Variants in SPATA7 observed in about 807,000 individuals in gnomAD.
SPATA7 encodes spermatogenesis associated 7.
SPATA7 carries 43 observed loss-of-function variants against 51.8 expected under a neutral mutation model. That is an observed-to-expected ratio of 0.83 (90% CI 0.65 to 1.07). The LOEUF (loss-of-function observed/expected upper bound fraction) is 1.07. Ranked by LOEUF, SPATA7 falls within the 50% of genes least tolerant of loss-of-function variation. SPATA7 has a pLI of 0.00. For missense variants in SPATA7, 683 were observed against 701.3 expected (o/e 0.97, Z 0.30); for synonymous variants, 230 against 252.8 (o/e 0.91, Z 0.86).
chr14:88,456,878 G>A (rs111877650), downstream of SPATA7, among the ~76,000 whole-genome samples: 2 of 151,974 alleles, frequency 1.3e-5, no homozygotes, highest in Non-Finnish European at 2.9e-5. Flanking sequence ...TAAGTCTTTA[G>A]TCCATCTTGA....
chr14:88,439,939 C>G (rs2077166321), downstream of SPATA7, among the ~76,000 whole-genome samples: 1 of 152,188 alleles, frequency 6.6e-6, no homozygotes, highest in Non-Finnish European at 1.5e-5. Context: ...GTAAGCAACA[C>G]CGTCTATCCC....
chr14:88,445,550 C>G (rs2077206109), intron 3 of SPATA7, among the ~76,000 whole-genome samples: 1 of 151,714 alleles, frequency 6.6e-6, no homozygotes, highest in Non-Finnish European at 1.5e-5. Flanking sequence ...GAGAGGGCAT[C>G]CCTGTCTTGT....
rs748783358 is a variant in SPATA7 at position 88,416,660 on chromosome 14, A to G, written c.239-51A>G. On this transcript the variant is annotated intron_variant, in intron 4 of 11. Coordinates refer to ENST00000393545, the MANE Select transcript of SPATA7 (RefSeq NM_018418.5). ...TTTATTACTCTAACAAGACCAAAAA[A>G]CCAATTTTCTATTTTGTTCCATATT... 7.5e-6 allele frequency: 12 copies of G among 1,598,874 alleles called. No individual in the cohort carries two copies. In the East Asian group the frequency reaches 2.0e-4, roughly 27 times the overall value.
In SPATA7 at chr14:88,419,540, T is replaced by C. The variant is rs541372512; in HGVS notation, c.372+2696T>C. Among the ~76,000 whole-genome samples the C allele has an allele frequency of 2.0e-3, 303 of 151,812 alleles. 3 individuals carry two copies. The highest frequency in any genetic ancestry group is 3.0e-3 in the Non-Finnish European group (207 of 67,928). On this transcript the variant is annotated intron_variant, in intron 5 of 11. Transcript: ENST00000393545. ...ATCTGATAATCATTGTCTTTTTTTT[T>C]TTTTGAGACAGAGTCTCGCTTTTTT...
At chr14:88,445,245 C>A (rs201164673) in intron 3 of SPATA7, among the ~76,000 whole-genome samples, 32,475 of 148,690 alleles carry the variant, frequency 0.22, 3,797 homozygotes, top group East Asian at 0.3. Flanking sequence ...CTCTTTGAAG[C>A]AATTGTGAAT....
chr14:88,389,962 C>T (rs1028986923), intron 1 of SPATA7, among the ~76,000 whole-genome samples: 1 of 152,154 alleles, frequency 6.6e-6, no homozygotes, highest in African/African-American at 2.4e-5. Flanking sequence ...AAGTACTGAG[C>T]AGTTTATATT....
At chr14:88,442,841 A>G, downstream of SPATA7, among the ~76,000 whole-genome samples, 1 of 151,860 alleles carries the variant, frequency 6.6e-6, no homozygotes, top group East Asian at 1.9e-4. Flanking sequence ...TATCTTTTGG[A>G]ATAGTGTCCA....
intron 1 of SPATA7, 69 bp from the exon 2 acceptor site, chr14:88,391,312 A>T: frequency 8.3e-7 from 1 of 1,197,856 alleles, no homozygotes; most frequent in Non-Finnish European, 1.2e-6. Context: ...AAAAATATTG[A>T]ATATTGTTGT....
chr14:88,403,290 A>G (rs935828387), intron 4 of SPATA7, among the ~76,000 whole-genome samples: 3 of 152,178 alleles, frequency 2.0e-5, no homozygotes, highest in Admixed American at 2.0e-4. Context: ...AAATAGAACT[A>G]CCATACGATT....
At chr14:88,426,061 CTTAGT>C (rs1281611781) in intron 5 of SPATA7, among the ~76,000 whole-genome samples, 166 bp from the exon 6 acceptor site, 1 of 152,078 alleles carries the variant, frequency 6.6e-6, no homozygotes, top group East Asian at 1.9e-4. Context: ...ATGTTAATAT[CTTAGT>C]TTAAATACTT....
At chr14:88,427,059 C>T (rs17124668) in intron 6 of SPATA7, among the ~76,000 whole-genome samples, 2,464 of 152,208 alleles carry the variant, frequency 0.016, 67 homozygotes, top group African/African-American at 0.056. Flanking sequence ...TTAAAAGTGG[C>T]GAAACAATGG....
chr14:88,391,837 T>A (rs1467170164), intron 2 of SPATA7: 1 of 224,584 alleles, frequency 4.5e-6, no homozygotes, highest in Non-Finnish European at 9.0e-6. Flanking sequence ...ATAATACATT[T>A]CCTATTAGGA....
chr14:88,424,926 T>C (rs1352614898), intron 5 of SPATA7, among the ~76,000 whole-genome samples: 3 of 152,180 alleles, frequency 2.0e-5, no homozygotes, highest in African/African-American at 7.2e-5. Context: ...ATCAGCACTT[T>C]AGGTTAGCTG....
At chr14:88,443,116 T>G (rs1239636366), downstream of SPATA7, among the ~76,000 whole-genome samples, 4 of 152,104 alleles carry the variant, frequency 2.6e-5, no homozygotes, top group South Asian at 8.3e-4. Context: ...AGCTAATTTT[T>G]GTATTTTTAG....
At chr14:88,394,356 T>C (rs531326454) in intron 3 of SPATA7, among the ~76,000 whole-genome samples, 9 of 152,324 alleles carry the variant, frequency 5.9e-5, no homozygotes, top group African/African-American at 2.2e-4. Context: ...ACCACTGATC[T>C]GCTCTTTCGC....
intron 11 of SPATA7, 97 bp downstream of exon 11, chr14:88,437,694 C>T: frequency 7.6e-7 from 1 of 1,311,014 alleles, no homozygotes; most frequent in Non-Finnish European, 1.1e-6. Flanking sequence ...AAAGCAAGTG[C>T]TTTTTTTTTC....
At chr14:88,461,464 TGCTA>T (rs1369308652) in intron 4 of SPATA7, among the ~76,000 whole-genome samples, 16 of 152,254 alleles carry the variant, frequency 1.1e-4, no homozygotes, top group Admixed American at 4.6e-4. Context: ...CAGACCGCTG[TGCTA>T]GCAGTGAGTG....
At chr14:88,405,635 G>A (rs2076180957) in intron 4 of SPATA7, among the ~76,000 whole-genome samples, 1 of 152,222 alleles carries the variant, frequency 6.6e-6, no homozygotes, top group South Asian at 2.1e-4. Flanking sequence ...GAACCTCTCA[G>A]CCAAAAGGAT....
chr14:88,469,992 G>A lies in SPATA7; in HGVS notation c.*125G>A. 1.2e-6 allele frequency: 2 copies of A among 1,613,368 alleles called. No individual in the cohort carries two copies. The highest frequency in any genetic ancestry group is 1.3e-5 in the African/African-American group (1 of 74,958). On this transcript the variant is annotated 3_prime_UTR_variant, in exon 5 of 5. Transcript: ENST00000556406. This position sits in a 1 kb window ranked among gnomAD's most constrained non-coding sequence, Gnocchi z 4.3. The stretch of plus-strand genomic sequence containing the variant: ...TACCATCTGCCAAAAATCTTGACAG[G>A]TATTCTGTAATGGTCCCTGTGTGGC...
Sources: allele counts gnomAD v4.1 joint callset (sites outside exome capture counted in the v4.1 genomes callset), GRCh38; gene constraint gnomAD v4.1.1; non-coding constraint Gnocchi (gnomAD v3.1); transcripts MANE v1.5; gene names NCBI Gene and HGNC (gene_info 2026-07-23, HGNC 2026-07-21).